FAT3: variants seen among roughly 807,000 people sequenced by gnomAD.
The protein encoded by FAT3 is FAT atypical cadherin 3, also known as protocadherin Fat 3.
A neutral mutation model predicts 310.2 loss-of-function variants in FAT3; 95 were observed. That is an observed-to-expected ratio of 0.31 (90% CI 0.26 to 0.36). The LOEUF (loss-of-function observed/expected upper bound fraction) is 0.36, where lower values mean the gene tolerates loss of function less well. FAT3 is among the 10% of genes least tolerant of loss of function. FAT3 has a pLI of 1.00. For synonymous variants in FAT3, 2,314 were observed against 2,192.9 expected (o/e 1.06, Z -1.54); for missense variants, 5,408 against 5,715.6 (o/e 0.95, Z 1.74).
At chr11:92,629,682 A>T (rs1240862585) in intron 3 of FAT3, among the ~76,000 whole-genome samples, 1 of 152,096 alleles carries the variant, frequency 6.6e-6, no homozygotes, top group Non-Finnish European at 1.5e-5. Flanking sequence ...AAGTTCTGGG[A>T]TTATAGGTGT....
At chr11:92,500,020 G>A (rs528696360) in intron 2 of FAT3, among the ~76,000 whole-genome samples, 2 of 152,006 alleles carry the variant, frequency 1.3e-5, no homozygotes, top group South Asian at 4.1e-4. Context: ...TGATAGTAAG[G>A]GTAAATAATG....
At chr11:92,492,427 C>T (rs1038738950) in intron 2 of FAT3, among the ~76,000 whole-genome samples, 1 of 151,980 alleles carries the variant, frequency 6.6e-6, no homozygotes, top group Non-Finnish European at 1.5e-5. Context: ...AAATGGAGAT[C>T]ATAATAATTA....
chr11:92,853,313 T>A (rs1948882114), intron 19 of FAT3, among the ~76,000 whole-genome samples: 1 of 152,218 alleles, frequency 6.6e-6, no homozygotes, highest in Admixed American at 6.5e-5. Context: ...ACACATGGCT[T>A]CTGCTGCAGG....
intron 1 of FAT3, among the ~76,000 whole-genome samples, chr11:92,334,828 C>T (rs1948015720): frequency 1.3e-5 from 2 of 152,166 alleles, no homozygotes; most frequent in South Asian, 4.1e-4. Context: ...TTTCTCTCTT[C>T]TATGGGTGAA....
chr11:92,578,070 G>C (rs554198712), intron 3 of FAT3, among the ~76,000 whole-genome samples: 2 of 152,040 alleles, frequency 1.3e-5, no homozygotes, highest in African/African-American at 4.8e-5. Flanking sequence ...ACAGTATGAC[G>C]GGACTCATAG....
At chr11:92,709,527 C>T (rs983332669) in intron 4 of FAT3, among the ~76,000 whole-genome samples, 3 of 152,130 alleles carry the variant, frequency 2.0e-5, no homozygotes, top group African/African-American at 4.8e-5. Context: ...GAAGGTCACC[C>T]GTAGGAGGAA....
intron 1 of FAT3, among the ~76,000 whole-genome samples, chr11:92,327,204 G>A (rs1277651178): frequency 6.6e-6 from 1 of 152,040 alleles, no homozygotes; most frequent in African/African-American, 2.4e-5. Context: ...CCTATTAAAA[G>A]GCACCTAGAC....
At chr11:92,255,248 C>T (rs2134288351) in intron 1 of FAT3, among the ~76,000 whole-genome samples, 1 of 151,440 alleles carries the variant, frequency 6.6e-6, no homozygotes, top group South Asian at 2.1e-4. Context: ...TAGCAGTGAT[C>T]CTAACTTTAT....
chr11:92,344,157 C>A (rs540114060), intron 1 of FAT3, among the ~76,000 whole-genome samples: 1 of 152,302 alleles, frequency 6.6e-6, no homozygotes, highest in South Asian at 2.1e-4. Flanking sequence ...GTGCTGTAGT[C>A]CTCACTTATC....
intron 8 of FAT3, among the ~76,000 whole-genome samples, chr11:92,791,184 G>A (rs755062954): frequency 3.9e-5 from 6 of 152,148 alleles, no homozygotes; most frequent in South Asian, 2.1e-4. Flanking sequence ...AGGTCTTCCA[G>A]TCATCACTAT....
At chr11:92,394,939 C>G (rs1389563746) in intron 2 of FAT3, among the ~76,000 whole-genome samples, 1 of 152,126 alleles carries the variant, frequency 6.6e-6, no homozygotes, top group Non-Finnish European at 1.5e-5. Context: ...GAATTCAGTT[C>G]CCATTAAGGC....
intron 4 of FAT3, among the ~76,000 whole-genome samples, chr11:92,739,888 A>T (rs1014435653): frequency 6.6e-6 from 1 of 152,184 alleles, no homozygotes; most frequent in Non-Finnish European, 1.5e-5. Context: ...TTCATTATTC[A>T]TTGCTCACTT....
At chr11:92,288,161 G>A (rs527318425) in intron 1 of FAT3, among the ~76,000 whole-genome samples, 1 of 152,220 alleles carries the variant, frequency 6.6e-6, no homozygotes, top group East Asian at 1.9e-4. Flanking sequence ...AGGAGATTCT[G>A]CAATATATGA....
intron 7 of FAT3, among the ~76,000 whole-genome samples, chr11:92,777,855 A>G (rs1344281791): frequency 6.6e-6 from 1 of 152,112 alleles, no homozygotes; most frequent in Non-Finnish European, 1.5e-5. Context: ...TTCAGTTAAT[A>G]TTAGCTACTG....
chr11:92,243,806 G>C (rs1043640410), intron 1 of FAT3, among the ~76,000 whole-genome samples: 2 of 152,004 alleles, frequency 1.3e-5, no homozygotes, highest in Non-Finnish European at 2.9e-5. Flanking sequence ...TCCAAACCAT[G>C]AAATTTTGAT....
At chr11:92,525,018 TC>T in intron 3 of FAT3, 70 bp downstream of exon 3, 1 of 1,249,068 alleles carries the variant, frequency 8.0e-7, no homozygotes, top group Non-Finnish European at 1.1e-6. Flanking sequence ...CCTGACACTT[TC>T]TGTACTCATT....
chr11:92,504,729 A>G (rs1268193090), intron 2 of FAT3, among the ~76,000 whole-genome samples: 1 of 152,156 alleles, frequency 6.6e-6, no homozygotes, highest in Admixed American at 6.5e-5. Flanking sequence ...GCTGCAGTTC[A>G]GGAATGTTTC....
intron 2 of FAT3, among the ~76,000 whole-genome samples, chr11:92,478,940 CTTTCTTTCTTTCTTTTCTTTTCTTTTCT>C (rs1006591808): frequency 1.2e-4 from 10 of 81,488 alleles, no homozygotes; most frequent in African/African-American, 3.7e-4. Context: ...CCTTCTCTTT[CTTTCTTTCTTTCTTTTCTTTTCTTTTCT>C]TTTCTTTTCT....
intron 2 of FAT3, among the ~76,000 whole-genome samples, chr11:92,453,004 G>A (rs952213611): frequency 8.6e-5 from 13 of 151,982 alleles, no homozygotes; most frequent in Non-Finnish European, 1.9e-4. Flanking sequence ...GAACTCCTGG[G>A]CTCAAGCAAT....
Sources: allele counts gnomAD v4.1 joint callset (sites outside exome capture counted in the v4.1 genomes callset), GRCh38; gene constraint gnomAD v4.1.1; transcripts MANE v1.5; gene names NCBI Gene and HGNC (gene_info 2026-07-23, HGNC 2026-07-21).